TAF1A: variants seen among roughly 807,000 people sequenced by gnomAD.
The protein encoded by TAF1A is TATA box-binding protein-associated factor RNA polymerase I subunit A.
TAF1A carries 42 observed loss-of-function variants against 61.6 expected under a neutral mutation model. The ratio of observed to expected loss-of-function variants is 0.68; its 90% confidence interval spans 0.53 to 0.88. The LOEUF (loss-of-function observed/expected upper bound fraction) is 0.88. Ranked by LOEUF, TAF1A falls within the 40% of genes least tolerant of loss-of-function variation. The pLI is 0.00. For missense variants in TAF1A, 424 were observed against 518.7 expected (o/e 0.82, Z 1.77); for synonymous variants, 179 against 177.7 (o/e 1.01, Z -0.06).
intron 4 of TAF1A, among the ~76,000 whole-genome samples, chr1:222,579,398 T>C (rs916890460): frequency 2.0e-5 from 3 of 152,206 alleles, no homozygotes; most frequent in African/African-American, 7.2e-5. Context: ...TTCACGTATT[T>C]AAATTCCCAA....
downstream of TAF1A, among the ~76,000 whole-genome samples, chr1:222,554,400 G>A (rs1247746693): frequency 3.9e-5 from 6 of 152,244 alleles, no homozygotes. Flanking sequence ...CCTGGTGGCA[G>A]ATTGGTTTAG....
Position 222,564,139 on chromosome 1 carries a change from C to T in TAF1A, c.895-14G>A. On this transcript the variant is annotated splice_polypyrimidine_tract_variant and intron_variant, in intron 7 of 10. Transcript: ENST00000352967. ...CTGATACAAAATCTGAAAGAAAGAA[C>T]AGTCTTGTAATCTTTACATACTTGT... 6.6e-7 allele frequency: 1 copy of T among 1,522,672 alleles called. No individual in the cohort carries two copies. Among genetic ancestry groups the T allele is most frequent in the South Asian group, 1.2e-5 (1 of 85,452 alleles). 94.3% of individuals were successfully genotyped at this position (1,522,672 alleles called of 1,614,324 possible). A position where few individuals can be genotyped will look rare whatever the true frequency, so the allele number is the denominator to read the frequency against.
At position 222,563,206 on chromosome 1, in the gene TAF1A, T is replaced by G. The variant is rs200053448; in HGVS notation, c.1052A>C (p.Tyr351Ser). 2 of 1,612,612 alleles carry G rather than the reference T, an allele frequency of 1.2e-6. No homozygotes were observed. Among genetic ancestry groups the G allele is most frequent in the African/African-American group, 2.7e-5 (2 of 74,966 alleles). Residue 351 changes from tyrosine to serine, a missense_variant, in exon 9 of 11, where the codon TAC becomes TCC. By Grantham distance (144) the Tyr-to-Ser change is moderately radical. Transcript: ENST00000352967. ...GCTKNITAWK[Y>S]LAKYLKNILM... ...GATATTTTTCAGATATTTTGCCAAG[T>G]ATTTCCAAGCAGTTATATTCTTAGT...
intron 3 of TAF1A, among the ~76,000 whole-genome samples, chr1:222,583,599 G>A (rs1660884668): frequency 6.6e-6 from 1 of 152,090 alleles, no homozygotes; most frequent in Admixed American, 6.6e-5. Context: ...CAGCACTTTG[G>A]GAGGCCGAGG....
intron 3 of TAF1A, among the ~76,000 whole-genome samples, chr1:222,583,812 C>T (rs996609580): frequency 6.8e-6 from 1 of 148,072 alleles, no homozygotes; most frequent in Non-Finnish European, 1.5e-5. Flanking sequence ...TCACTCCAGC[C>T]TGGCGACAGA....
At chr1:222,569,464 T>A (rs113608388) in intron 7 of TAF1A, 46 bp downstream of exon 7, 3 of 1,613,340 alleles carry the variant, frequency 1.9e-6, no homozygotes, top group South Asian at 2.2e-5. Flanking sequence ...AATGTTTTAA[T>A]GTAGATTCCC....
At chr1:222,566,032 TTTC>T (rs1660104439) in intron 7 of TAF1A, among the ~76,000 whole-genome samples, 1 of 152,226 alleles carries the variant, frequency 6.6e-6, no homozygotes, top group Non-Finnish European at 1.5e-5. Context: ...TTCTCTATCA[TTTC>T]TTTAGGTTGA....
At chr1:222,575,785 A>G (rs1221924438) in intron 5 of TAF1A, among the ~76,000 whole-genome samples, 1 of 152,206 alleles carries the variant, frequency 6.6e-6, no homozygotes, top group Admixed American at 6.5e-5. Context: ...TCCCATCATC[A>G]TCTATTGTTG....
intron 9 of TAF1A, 140 bp from the exon 10 acceptor site, chr1:222,561,658 A>T: frequency 1.3e-6 from 1 of 771,938 alleles, no homozygotes; most frequent in African/African-American, 1.8e-5. Context: ...CCAAGGCATA[A>T]CACATGATTG....
intron 7 of TAF1A, chr1:222,568,841 T>C (rs1026741519): frequency 6.6e-6 from 1 of 152,306 alleles, no homozygotes; most frequent in African/African-American, 2.4e-5. Context: ...AGCCAAAAAG[T>C]AAAAATTACC....
At chr1:222,574,187 C>G (rs1275578584) in intron 5 of TAF1A, among the ~76,000 whole-genome samples, 1 of 152,046 alleles carries the variant, frequency 6.6e-6, no homozygotes, top group East Asian at 1.9e-4. Flanking sequence ...CTGATGGTTA[C>G]AACTCTATGA....
chr1:222,578,684 T>C (rs1293965880), intron 4 of TAF1A, among the ~76,000 whole-genome samples: 2 of 152,208 alleles, frequency 1.3e-5, no homozygotes, highest in Non-Finnish European at 2.9e-5. Flanking sequence ...CCCTCTCTAG[T>C]TCCAGAGAAC....
intron 1 of TAF1A, among the ~76,000 whole-genome samples, chr1:222,589,495 G>T (rs1334498037): frequency 6.6e-6 from 1 of 152,182 alleles, no homozygotes. Context: ...GACCCATCAC[G>T]TGTTTTCAGG....
Position 222,563,316 on chromosome 1 carries a change from T to C in TAF1A, c.962-20A>G, listed in dbSNP as rs761474021. On this transcript the variant is annotated intron_variant, in intron 8 of 10. Coordinates refer to ENST00000352967, the MANE Select transcript of TAF1A (RefSeq NM_005681.4). ...CTTTTTCTGCAATGGTTTTAACAGT[T>C]CAAGTTTACATAAGGTATTAAAGTG... is the stretch of plus-strand genomic sequence containing the variant. 1.0e-4 allele frequency: 166 copies of C among 1,609,166 alleles called. No individual in the cohort carries two copies. The highest frequency in any genetic ancestry group is 1.3e-4 in the Non-Finnish European group (149 of 1,178,540).
chr1:222,580,372 T>C (rs1024058371), intron 3 of TAF1A, among the ~76,000 whole-genome samples: 5 of 152,220 alleles, frequency 3.3e-5, no homozygotes, highest in Non-Finnish European at 1.5e-5. Flanking sequence ...TGATTAGCTA[T>C]GGACAAATCT....
At chr1:222,584,090 A>C in intron 3 of TAF1A, 38 bp downstream of exon 3, 8 of 1,594,128 alleles carry the variant, frequency 5.0e-6, no homozygotes, top group Non-Finnish European at 6.8e-6. Context: ...ACTTCTGGGA[A>C]TCTATCATTT....
chr1:222,578,720 AC>A (rs1660669361), intron 4 of TAF1A, among the ~76,000 whole-genome samples: 1 of 151,936 alleles, frequency 6.6e-6, no homozygotes, highest in Non-Finnish European at 1.5e-5. Context: ...TTATCTTCTC[AC>A]CATTTGTTAC....
Position 222,569,569 on chromosome 1 carries a change from A to C in TAF1A, c.835T>G (p.Leu279Val). The change falls in exon 7 of 11, where the codon TTA (leucine) becomes GTA (valine). Residue 279 changes from leucine to valine, a missense_variant. Transcript: ENST00000352967. Reference sequence around the variant, plus strand: ...TTCTGTCTCTTTAGAAAGTTGTATAAGTAGATATGGGCATTTGGATTTGAT... The same window carrying C: ...TTCTGTCTCTTTAGAAAGTTGTATACGTAGATATGGGCATTTGGATTTGAT... ...FPSNPNAHIY[L>V]YNFLKRQKAP... The C allele has an allele frequency of 6.2e-7, 1 of 1,614,106 alleles. No individual in the cohort carries two copies. The highest frequency in any genetic ancestry group is 1.1e-5 in the South Asian group (1 of 91,076).
intron 10 of TAF1A, among the ~76,000 whole-genome samples, chr1:222,560,920 G>C (rs963488633): frequency 6.6e-6 from 1 of 152,008 alleles, no homozygotes; most frequent in African/African-American, 2.4e-5. Context: ...TTTTTCATAT[G>C]CTAGTAGGAG....
Sources: gnomAD v4.1 joint callset for allele counts (sites outside exome capture counted in the v4.1 genomes callset) on GRCh38, gnomAD v4.1.1 for gene constraint, MANE v1.5 for transcripts, NCBI Gene and HGNC (gene_info 2026-07-23, HGNC 2026-07-21) for gene names.